MYO5C: variants seen among roughly 807,000 people sequenced by gnomAD.
The protein encoded by MYO5C is myosin VC.
Under a neutral mutation model 235.7 loss-of-function variants are expected in MYO5C, and 194 were observed. That is an observed-to-expected ratio of 0.82 (90% confidence interval 0.73 to 0.93). MYO5C has a LOEUF of 0.93. Among genes scored for constraint, MYO5C ranks in the 40% least tolerant of loss-of-function variants. The pLI is 0.00. For synonymous variants in MYO5C, 707 were observed against 754.8 expected, an observed-to-expected ratio of 0.94 and a Z score of 1.04; for missense variants, 2,038 against 2,127.2, an observed-to-expected ratio of 0.96 and a Z score of 0.82.
In MYO5C at chr15:52,251,451, G is replaced by A; in HGVS notation, c.1601C>T (p.Pro534Leu). 6.2e-7 allele frequency: 1 copy of A among 1,605,436 alleles called. No homozygotes were observed. The highest frequency in any genetic ancestry group is 8.5e-7 in the Non-Finnish European group (1 of 1,175,248). Residue 534 changes from proline to leucine, a missense_variant, in exon 13 of 41, where the codon CCT becomes CTT. Transcript: ENST00000261839. ...KLYNNFVNRN[P>L]LFEKPRMSNT... ...TGACATTCTAGGCTTTTCAAACAAA[G>A]GGTTCCTGTTGACAAAATTATTATA...
chr15:52,196,559 C>T (rs2035057292), intron 38 of MYO5C, 76 bp from the exon 39 acceptor site: 4 of 1,417,936 alleles, frequency 2.8e-6, no homozygotes, highest in Non-Finnish European at 3.8e-6. Flanking sequence ...CGAGAGGGTA[C>T]CAGAGTTCGC....
At chr15:52,271,003 G>A (rs74015659) in intron 7 of MYO5C, among the ~76,000 whole-genome samples, 212 of 152,294 alleles carry the variant, frequency 1.4e-3, no homozygotes, top group African/African-American at 5.1e-3. Context: ...AGGACAAACA[G>A]CCCTATGTTT....
chr15:52,272,406 C>G (rs551636854), intron 6 of MYO5C, among the ~76,000 whole-genome samples, 174 bp downstream of exon 6: 204 of 152,244 alleles, frequency 1.3e-3, no homozygotes, highest in African/African-American at 4.6e-3. Flanking sequence ...GATATTACAC[C>G]TATTCATCCA....
At chr15:52,233,915 T>C (rs561686074) in intron 23 of MYO5C, among the ~76,000 whole-genome samples, 134 of 152,310 alleles carry the variant, frequency 8.8e-4, no homozygotes, top group African/African-American at 3.2e-3. Context: ...TTCTCCAAAT[T>C]ACTTTTTTTT....
rs745979668 is a variant in MYO5C at position 52,260,957 on chromosome 15, A to G, written c.1218T>C (p.Tyr406=). 1 of 1,614,204 alleles carries G rather than the reference A, an allele frequency of 6.2e-7. No individual in the cohort carries two copies. The highest frequency in any genetic ancestry group is 1.1e-5 in the South Asian group (1 of 91,080). Residue 406 remains tyrosine, a synonymous_variant, in exon 10 of 41, where the codon TAT becomes TAC. Coordinates refer to ENST00000261839, the MANE Select transcript of MYO5C (RefSeq NM_018728.4). ...NARDALAKKI[Y]AHLFDFIVER... ...CCACAATGAAGTCGAACAGGTGAGC[A>G]TAGATCTTTTTGGCCAGTGCATCCC...
intron 28 of MYO5C, among the ~76,000 whole-genome samples, chr15:52,224,178 G>A (rs2035765537): frequency 6.6e-6 from 1 of 152,160 alleles, no homozygotes; most frequent in Admixed American, 6.5e-5. Context: ...AGCTACTTGG[G>A]AGGCTGAGGC....
At chr15:52,221,071 T>A in intron 30 of MYO5C, 91 bp downstream of exon 30, 1 of 1,001,852 alleles carries the variant, frequency 1.0e-6, no homozygotes, top group South Asian at 1.6e-5. Flanking sequence ...GAACCAGAGT[T>A]TAAAAGCCCT....
chr15:52,228,204 C>T (rs2035871677), intron 25 of MYO5C, among the ~76,000 whole-genome samples: 1 of 151,448 alleles, frequency 6.6e-6, no homozygotes. Context: ...AGTGCAGTGG[C>T]GCGATCTCGG....
chr15:52,235,178 T>C (rs1267810276), intron 23 of MYO5C, among the ~76,000 whole-genome samples: 1 of 152,182 alleles, frequency 6.6e-6, no homozygotes, highest in Non-Finnish European at 1.5e-5. Context: ...AGGACATGGG[T>C]GTCACTTAGG....
intron 9 of MYO5C, among the ~76,000 whole-genome samples, chr15:52,261,723 T>C (rs2036700607): frequency 6.6e-6 from 1 of 152,184 alleles, no homozygotes; most frequent in African/African-American, 2.4e-5. Context: ...AGCCAGGGCA[T>C]GAGAGCTGCC....
At chr15:52,279,458 C>T (rs1596227595) in intron 3 of MYO5C, 51 bp downstream of exon 3, 2 of 1,573,486 alleles carry the variant, frequency 1.3e-6, no homozygotes, top group Non-Finnish European at 8.7e-7. Context: ...CTCTAGACAG[C>T]AAGCTTACAT....
chr15:52,237,348 CTTTGG>C, intron 22 of MYO5C, 129 bp downstream of exon 22: 3 of 1,104,948 alleles, frequency 2.7e-6, no homozygotes, highest in Non-Finnish European at 3.9e-6. Flanking sequence ...GGTAGGCTCC[CTTTGG>C]TAATGGAAGT....
In MYO5C at chr15:52,275,716, T is replaced by C. The variant is rs1712723617; in HGVS notation, c.452A>G (p.Asn151Ser). 6.2e-7 allele frequency: 1 copy of C among 1,614,038 alleles called. No homozygotes were observed. The highest frequency in any genetic ancestry group is 1.3e-5 in the African/African-American group (1 of 75,052). The part of the protein sequence containing the change: ...AEEAYKQMAR[N>S]NRNQSIIVSG... Reference sequence around the variant, plus strand: ...TACAATTATGGACTGGTTTCTGTTGTTTCTAAAGCAAATAAAAGTTTTCAA... The same window carrying C: ...TACAATTATGGACTGGTTTCTGTTGCTTCTAAAGCAAATAAAAGTTTTCAA... The change falls in exon 5 of 41, where the codon AAC becomes AGC. Residue 151 changes from asparagine to serine, a missense_variant and splice_region_variant. Physicochemically the swap from Asn to Ser is conservative, Grantham distance 46. Coordinates refer to ENST00000261839, the MANE Select transcript of MYO5C (RefSeq NM_018728.4).
intron 24 of MYO5C, 152 bp downstream of exon 24, chr15:52,232,470 T>A (rs1356922835): frequency 1.4e-6 from 1 of 727,114 alleles, no homozygotes. Context: ...ATTGTGGAAC[T>A]TAGCTCTCAT....
intron 13 of MYO5C, among the ~76,000 whole-genome samples, chr15:52,249,833 T>C (rs1012011209): frequency 6.6e-6 from 1 of 152,214 alleles, no homozygotes; most frequent in African/African-American, 2.4e-5. Flanking sequence ...CTGCTACATC[T>C]AAGCTCAGCT....
intron 7 of MYO5C, among the ~76,000 whole-genome samples, chr15:52,270,623 T>G (rs528322102): frequency 6.6e-6 from 1 of 150,394 alleles, no homozygotes; most frequent in African/African-American, 2.4e-5. Flanking sequence ...TATGTATATA[T>G]AAATGTATGT....
Position 52,192,496 on chromosome 15 carries a change from C to T in MYO5C, c.*1406G>A, listed in dbSNP as rs1370872507. The T allele has an allele frequency of 1.3e-5, 2 of 152,166 alleles. No homozygotes were observed. Among genetic ancestry groups the T allele is most frequent in the Non-Finnish European group, 1.5e-5 (1 of 68,020 alleles). The allele number at this position is 152,166 out of a possible 1,614,324, so 9.4% of individuals were successfully genotyped here. ...TTATTCCTACCTCTAAGACACCAGT[C>T]TGTATTATAGAATCACAGCTGTCAC... On this transcript the variant is annotated 3_prime_UTR_variant, in exon 41 of 41. Transcript: ENST00000261839.
intron 1 of MYO5C, among the ~76,000 whole-genome samples, chr15:52,290,829 A>C (rs1178458685): frequency 6.6e-6 from 1 of 152,202 alleles, no homozygotes; most frequent in Non-Finnish European, 1.5e-5. Context: ...AACAAAACAG[A>C]AAATTTTATA....
chr15:52,222,113 G>A (rs2141287158), intron 29 of MYO5C, among the ~76,000 whole-genome samples: 1 of 152,284 alleles, frequency 6.6e-6, no homozygotes, highest in Middle Eastern at 3.4e-3. Flanking sequence ...AAGGCAGGCT[G>A]GGCTAAGCTA....
Sources: gnomAD v4.1 joint callset for allele counts (sites outside exome capture counted in the v4.1 genomes callset) on GRCh38, gnomAD v4.1.1 for gene constraint, MANE v1.5 for transcripts, NCBI Gene and HGNC (gene_info 2026-07-23, HGNC 2026-07-21) for gene names.